DACH1: variants seen among roughly 807,000 people sequenced by gnomAD.
The protein encoded by DACH1 is dachshund family transcription factor 1.
DACH1 carries 12 observed loss-of-function variants against 54.2 expected under a neutral mutation model. The ratio of observed to expected loss-of-function variants is 0.22; its 90% CI spans 0.14 to 0.36. DACH1 has a LOEUF of 0.36. Ranked by LOEUF, DACH1 falls within the 10% of genes least tolerant of loss-of-function variation. The pLI is 1.00. For missense variants in DACH1, 805 were observed against 929.8 expected, an observed-to-expected ratio of 0.87 and a Z score of 1.75; for synonymous variants, 386 against 366.2, an observed-to-expected ratio of 1.05 and a Z score of -0.62.
intron 3 of DACH1, among the ~76,000 whole-genome samples, chr13:71,628,898 A>G (rs1417803538): frequency 1.3e-5 from 2 of 152,044 alleles, no homozygotes; most frequent in Non-Finnish European, 2.9e-5. Context: ...TTTGCTTTAA[A>G]TGTTGTTAAA....
rs539128287 is a variant in DACH1, at chr13:71,848,593, A to G, written c.848+17329T>C. 5.3e-5 allele frequency among the ~76,000 whole-genome samples: 8 copies of G among 152,030 alleles called. No homozygotes were observed. The East Asian group carries it at 1.4e-3, about 26-fold the overall frequency. ...AGTCTCACTCTGTCACCCAGACTGT[A>G]GTGCAGTGGCATTATCACAGCTCAC... On this transcript the variant is annotated intron_variant, in intron 1 of 10. Coordinates refer to ENST00000613252, the MANE Select transcript of DACH1 (RefSeq NM_080759.6).
intron 6 of DACH1, among the ~76,000 whole-genome samples, chr13:71,518,374 A>G (rs1282617130): frequency 6.6e-6 from 1 of 151,502 alleles, no homozygotes; most frequent in Non-Finnish European, 1.5e-5. Flanking sequence ...TTGAACTTCT[A>G]GCCTTCAGAA....
At chr13:71,802,102 C>T (rs1028607919) in intron 1 of DACH1, among the ~76,000 whole-genome samples, 1 of 152,018 alleles carries the variant, frequency 6.6e-6, no homozygotes, top group South Asian at 2.1e-4. Flanking sequence ...AGGGCTAGAT[C>T]CTCAGTAAGT....
chr13:71,441,927 G>A (rs1874040228), intron 10 of DACH1, among the ~76,000 whole-genome samples: 2 of 151,756 alleles, frequency 1.3e-5, no homozygotes, highest in African/African-American at 4.8e-5. Flanking sequence ...AATATTAGGT[G>A]CATATATTAT....
At chr13:71,845,124 A>G (rs1327143160) in intron 1 of DACH1, among the ~76,000 whole-genome samples, 2 of 152,176 alleles carry the variant, frequency 1.3e-5, no homozygotes, top group Admixed American at 1.3e-4. Context: ...AGTGTTCCCA[A>G]CACCAAGAAA....
At chr13:71,547,122 C>T (rs1370750160) in intron 6 of DACH1, among the ~76,000 whole-genome samples, 1 of 151,998 alleles carries the variant, frequency 6.6e-6, no homozygotes, top group African/African-American at 2.4e-5. Flanking sequence ...AAACAACCTG[C>T]CAAATAAAGG....
At chr13:71,547,089 G>T (rs1174819164) in intron 6 of DACH1, among the ~76,000 whole-genome samples, 1 of 151,980 alleles carries the variant, frequency 6.6e-6, no homozygotes, top group Non-Finnish European at 1.5e-5. Context: ...TTAGACTAAT[G>T]AAAACCTTCA....
At chr13:71,796,998 TC>T (rs1287844795) in intron 1 of DACH1, among the ~76,000 whole-genome samples, 1 of 152,064 alleles carries the variant, frequency 6.6e-6, no homozygotes, top group Non-Finnish European at 1.5e-5. Flanking sequence ...TTGTTTTTTT[TC>T]ACATATAGAA....
intron 3 of DACH1, among the ~76,000 whole-genome samples, chr13:71,584,507 G>A (rs1211569749): frequency 6.6e-6 from 1 of 152,038 alleles, no homozygotes; most frequent in African/African-American, 2.4e-5. Flanking sequence ...ACTATGATGG[G>A]TGTTTTAAAT....
intron 3 of DACH1, among the ~76,000 whole-genome samples, chr13:71,577,190 T>C (rs1003665038): frequency 1.3e-5 from 2 of 152,198 alleles, no homozygotes; most frequent in Admixed American, 6.5e-5. Context: ...GCCCACTTTC[T>C]CCAGCCTGCT....
chr13:71,536,767 C>G (rs757241402), intron 6 of DACH1, among the ~76,000 whole-genome samples: 5 of 152,038 alleles, frequency 3.3e-5, no homozygotes, highest in Non-Finnish European at 7.4e-5. Context: ...AGGAGACACT[C>G]TTGAGCTTTC....
At chr13:71,453,837 TGA>T (rs763906341) in intron 10 of DACH1, among the ~76,000 whole-genome samples, 5 of 152,154 alleles carry the variant, frequency 3.3e-5, no homozygotes, top group Non-Finnish European at 7.4e-5. Flanking sequence ...TCAGTAAATA[TGA>T]GAGTTTCCTA....
chr13:71,559,393 T>G (rs1884448183), intron 5 of DACH1, among the ~76,000 whole-genome samples: 1 of 152,168 alleles, frequency 6.6e-6, no homozygotes, highest in Admixed American at 6.5e-5. Context: ...CTGATTTCTC[T>G]TTGTGGATAT....
In DACH1 at chr13:71,630,561, C is replaced by G; in HGVS notation, c.1121G>C (p.Ser374Thr). 6.3e-7 allele frequency: 1 copy of G among 1,587,996 alleles called. No homozygotes were observed. Among genetic ancestry groups the G allele is most frequent in the African/African-American group, 1.4e-5 (1 of 73,472 alleles). ...TCAGCGAACATAAAACTTACCGACA[C>G]TTGAATTCATGTCCCCGTTTTCAGA... The part of the protein sequence containing the change: ...ADSENGDMNS[S>T]VGLELPFMMM... Residue 374 changes from serine (S) to threonine (T), a missense_variant, in exon 3 of 11, where the codon AGT becomes ACT. Coordinates refer to ENST00000613252, the MANE Select transcript of DACH1 (RefSeq NM_080759.6).
At chr13:71,689,400 G>A (rs1340588185) in intron 1 of DACH1, among the ~76,000 whole-genome samples, 1 of 152,054 alleles carries the variant, frequency 6.6e-6, no homozygotes, top group Non-Finnish European at 1.5e-5. Flanking sequence ...CAAAGGGAAA[G>A]GTTTACAAAG....
intron 3 of DACH1, among the ~76,000 whole-genome samples, chr13:71,586,774 C>G (rs1393433659): frequency 6.6e-6 from 1 of 152,012 alleles, no homozygotes; most frequent in African/African-American, 2.4e-5. Context: ...CTTCATTCTG[C>G]CCAGGAAGAG....
intron 4 of DACH1, among the ~76,000 whole-genome samples, chr13:71,571,664 G>A (rs1413818000): frequency 6.6e-6 from 1 of 151,108 alleles, no homozygotes; most frequent in Non-Finnish European, 1.5e-5. Flanking sequence ...TGTTTTTAGA[G>A]CCATTAATAT....
intron 1 of DACH1, among the ~76,000 whole-genome samples, chr13:71,777,599 T>C (rs1240870383): frequency 6.6e-6 from 1 of 152,126 alleles, no homozygotes; most frequent in Non-Finnish European, 1.5e-5. Context: ...ATCTATATTA[T>C]GTCCATCATT....
intron 10 of DACH1, among the ~76,000 whole-genome samples, chr13:71,464,245 T>G (rs1362594830): frequency 6.6e-6 from 1 of 151,986 alleles, no homozygotes; most frequent in Non-Finnish European, 1.5e-5. Context: ...TGAGCTGGTC[T>G]TTATAAATCT....
Sources: allele counts gnomAD v4.1 joint callset (sites outside exome capture counted in the v4.1 genomes callset), GRCh38; gene constraint gnomAD v4.1.1; transcripts MANE v1.5; gene names NCBI Gene and HGNC (gene_info 2026-07-23, HGNC 2026-07-21).